The following ABCC9 variants were observed in gnomAD, a reference collection of about 807,000 sequenced individuals.
ABCC9 encodes the protein ATP binding cassette subfamily C member 9.
Under a neutral mutation model 188.3 loss-of-function variants are expected in ABCC9, and 95 were observed. That is an observed-to-expected ratio of 0.50 (90% CI 0.43 to 0.60). The LOEUF (loss-of-function observed/expected upper bound fraction) is 0.60. Among genes scored for constraint, ABCC9 ranks in the 20% least tolerant of loss-of-function variants. ABCC9 has a pLI of 0.00. For synonymous variants in ABCC9, 659 were observed against 652.7 expected (o/e 1.01, Z -0.15); for missense variants, 1,102 against 1,876.3 (o/e 0.59, Z 7.62).
At chr12:21,804,490 A>T (rs1362010551) in intron 39 of ABCC9, among the ~76,000 whole-genome samples, 1 of 152,202 alleles carries the variant, frequency 6.6e-6, no homozygotes, top group Non-Finnish European at 1.5e-5. Flanking sequence ...TCTTGAAAAT[A>T]CTGAATAATT....
chr12:21,800,854 T>C lies in ABCC9; in HGVS notation c.*190A>G. ...GAGTGGCTGGATCACTATAAAAACA[T>C]CAATAATGAACATATTAAGCAATAA... On this transcript the variant is annotated 3_prime_UTR_variant, in exon 40 of 40. Coordinates refer to ENST00000261200, the MANE Select transcript of ABCC9 (RefSeq NM_020297.4). 1 of 638,498 alleles carries C rather than the reference T, an allele frequency of 1.6e-6. No homozygotes were observed. Among genetic ancestry groups the C allele is most frequent in the Non-Finnish European group, 2.7e-6 (1 of 377,120 alleles). 39.6% of individuals were successfully genotyped at this position (638,498 alleles called of 1,614,324 possible).
At position 21,926,062 on chromosome 12, in the gene ABCC9, G is replaced by T. The variant is rs373792254; in HGVS notation, c.286C>A (p.Arg96=). 1 of 1,613,998 alleles carries T rather than the reference G, an allele frequency of 6.2e-7. No individual in the cohort carries two copies. Among genetic ancestry groups the T allele is most frequent in the South Asian group, 1.1e-5 (1 of 91,064 alleles). ...AGGTGGAGGTGCCTTGATTCCCGCC[G>T]CCTAGAAAGAGCAGTACGTCAACGC... ...EIAEGIVSDS[R]RESRHLHLFM... Residue 96 remains arginine (R), a splice_region_variant and synonymous_variant, in exon 5 of 40, where the codon CGG becomes AGG. Coordinates refer to ENST00000261200, the MANE Select transcript of ABCC9 (RefSeq NM_020297.4).
At chr12:21,882,680 A>T (rs995210651) in intron 16 of ABCC9, 86 bp downstream of exon 16, 2 of 1,221,932 alleles carry the variant, frequency 1.6e-6, no homozygotes, top group African/African-American at 3.0e-5. Flanking sequence ...TTAAAGGCAC[A>T]ATTTGGGACA....
chr12:21,877,591 A>C (rs1475725642), intron 16 of ABCC9, among the ~76,000 whole-genome samples: 4 of 152,168 alleles, frequency 2.6e-5, no homozygotes, highest in Non-Finnish European at 4.4e-5. Flanking sequence ...TAAAAGAGGC[A>C]CAAAAATAGA....
Position 21,894,151 on chromosome 12 carries a change from G to C in ABCC9, c.1683C>G (p.Ala561=). The C allele has an allele frequency of 6.2e-7, 1 of 1,613,998 alleles. No homozygotes were observed. The highest frequency in any genetic ancestry group is 8.5e-7 in the Non-Finnish European group (1 of 1,179,980). The change falls in exon 14 of 40, where the codon GCC becomes GCG. Residue 561 remains alanine, a synonymous_variant. Coordinates refer to ENST00000261200, the MANE Select transcript of ABCC9 (RefSeq NM_020297.4). ...VLATFVTHAY[A]SGNNLKPAEA... ...CTGCAGGTTTCAGATTGTTTCCACT[G>C]GCATACGCATGGGTCACAAATGTCT...
intron 12 of ABCC9, among the ~76,000 whole-genome samples, chr12:21,903,510 T>C (rs1947876030): frequency 6.6e-6 from 1 of 152,220 alleles, no homozygotes; most frequent in South Asian, 2.1e-4. Flanking sequence ...GCAGATGACA[T>C]GATTGTATAT....
intron 19 of ABCC9, 51 bp from the exon 20 acceptor site, chr12:21,863,105 G>T: frequency 8.7e-7 from 1 of 1,152,560 alleles, no homozygotes; most frequent in Non-Finnish European, 1.3e-6. Context: ...CAAAGGTACT[G>T]TGCGTGTATG....
At chr12:21,903,066 C>G (rs1157221619) in intron 12 of ABCC9, among the ~76,000 whole-genome samples, 1 of 152,110 alleles carries the variant, frequency 6.6e-6, no homozygotes, top group East Asian at 1.9e-4. Flanking sequence ...AAACTGAATC[C>G]AGCAGCACAT....
intron 2 of ABCC9, 67 bp downstream of exon 2, chr12:21,940,643 C>A (rs1949651729): frequency 6.6e-6 from 1 of 152,118 alleles, no homozygotes; most frequent in African/African-American, 2.4e-5. Flanking sequence ...AGTAGGTATT[C>A]CTTAGATACT....
Position 21,844,619 on chromosome 12 carries a change from G to A in ABCC9, c.3246-67C>T, listed in dbSNP as rs1944545540. 1.5e-5 allele frequency: 24 copies of A among 1,554,904 alleles called. 1 individual carries two copies. Among genetic ancestry groups the A allele is most frequent in the Non-Finnish European group, 1.9e-5 (21 of 1,126,870 alleles). On this transcript the variant is annotated intron_variant, in intron 27 of 39. Coordinates refer to ENST00000261200, the MANE Select transcript of ABCC9 (RefSeq NM_020297.4). ...ATTTGGAACCTGGGCATTGCTAATG[G>A]GCATCTTAGTGTCATGAAAATGAGA...
At chr12:21,863,584 T>C (rs141415646) in intron 19 of ABCC9, among the ~76,000 whole-genome samples, 5 of 152,298 alleles carry the variant, frequency 3.3e-5, no homozygotes, top group African/African-American at 1.2e-4. Flanking sequence ...ACTTTCAATA[T>C]TGAAATCGTG....
At chr12:21,866,750 G>A (rs1022503410) in intron 18 of ABCC9, among the ~76,000 whole-genome samples, 4 of 152,184 alleles carry the variant, frequency 2.6e-5, no homozygotes, top group African/African-American at 7.2e-5. Flanking sequence ...TAGGACTGAG[G>A]ACAAATTATT....
intron 30 of ABCC9, among the ~76,000 whole-genome samples, chr12:21,833,535 G>T (rs1488932974): frequency 6.6e-6 from 1 of 151,932 alleles, no homozygotes; most frequent in Admixed American, 6.6e-5. Flanking sequence ...CTTGACTCTT[G>T]GTCAATTTCC....
rs142937355 is a variant in ABCC9 at position 21,814,953 on chromosome 12, C to T, written c.4024-231G>A. Among the ~76,000 whole-genome samples the T allele has an allele frequency of 6.0e-3, 907 of 152,150 alleles. 4 individuals carry two copies. The highest frequency in any genetic ancestry group is 0.02 in the Middle Eastern group (6 of 294). ...AACCCAACACTTTGGGAGGCTGAGGCGGGTAGGTCACTTGAGGCCAGGAGT... is the reference window on the plus strand; with the variant it reads ...AACCCAACACTTTGGGAGGCTGAGGTGGGTAGGTCACTTGAGGCCAGGAGT... On this transcript the variant is annotated intron_variant, in intron 34 of 39. Transcript: ENST00000261200.
intron 28 of ABCC9, among the ~76,000 whole-genome samples, chr12:21,843,214 C>G (rs1944480131): frequency 6.6e-6 from 1 of 152,128 alleles, no homozygotes; most frequent in Non-Finnish European, 1.5e-5. Context: ...ATATGACCAC[C>G]TCTATGCTAT....
chr12:21,805,052 G>C, intron 39 of ABCC9: 1 of 1,409,380 alleles, frequency 7.1e-7, no homozygotes, highest in South Asian at 1.2e-5. Flanking sequence ...ATAACACCCT[G>C]CAGTTAGTTC....
intron 31 of ABCC9, chr12:21,827,320 A>G (rs1309697890): frequency 3.0e-6 from 3 of 985,228 alleles, no homozygotes; most frequent in Admixed American, 6.2e-5. Context: ...AGTGCTAAAG[A>G]GCAGAAACAG....
At chr12:21,936,359 G>A (rs895701836) in intron 3 of ABCC9, among the ~76,000 whole-genome samples, 174 bp downstream of exon 3, 1 of 152,030 alleles carries the variant, frequency 6.6e-6, no homozygotes, top group African/African-American at 2.4e-5. Flanking sequence ...TTTCACCTAC[G>A]GAAGATCACC....
In ABCC9 at chr12:21,846,363, A is replaced by G. The variant is rs183768282; in HGVS notation, c.2867-531T>C. On this transcript the variant is annotated intron_variant, in intron 25 of 39. Coordinates refer to ENST00000261200, the MANE Select transcript of ABCC9 (RefSeq NM_020297.4). Reference sequence around the variant, plus strand: ...CTCTCAGATGTTTAAACCATCTAGAAACTCCAAGATGGGCTTCCTTAAGAA... The same window carrying G: ...CTCTCAGATGTTTAAACCATCTAGAGACTCCAAGATGGGCTTCCTTAAGAA... Among the ~76,000 whole-genome samples the G allele has an allele frequency of 3.3e-5, 5 of 152,326 alleles. No individual in the cohort carries two copies. The East Asian group carries it at 9.6e-4, about 29-fold the overall frequency.
Sources: allele counts gnomAD v4.1 joint callset (sites outside exome capture counted in the v4.1 genomes callset), GRCh38; gene constraint gnomAD v4.1.1; transcripts MANE v1.5; gene names NCBI Gene and HGNC (gene_info 2026-07-23, HGNC 2026-07-21).